The following GAD1 variants were observed in gnomAD, a reference collection of about 807,000 sequenced individuals.
GAD1 encodes the protein glutamate decarboxylase 1, also known as 67 kDa glutamic acid decarboxylase.
Under a neutral mutation model 75.2 loss-of-function variants are expected in GAD1, and 35 were observed. The ratio of observed to expected loss-of-function variants is 0.47; its 90% CI spans 0.36 to 0.62. The LOEUF is 0.62. Among genes scored for constraint, GAD1 ranks in the 20% least tolerant of loss-of-function variants. The pLI is 0.00. For synonymous variants in GAD1, 257 were observed against 271.9 expected (o/e 0.95, Z 0.54); for missense variants, 490 against 758.5 (o/e 0.65, Z 4.16).
chr2:170,845,525 G>C lies in GAD1; in HGVS notation c.771G>C (p.Met257Ile), dbSNP rs956461027. The change falls in exon 8 of 17, where the codon ATG becomes ATC. Residue 257 changes from methionine (M) to isoleucine (I), a missense_variant. Transcript: ENST00000358196. The stretch of plus-strand genomic sequence containing the variant: ...TGACAGGGGGCGCCATATCCAACAT[G>C]TACAGCATCATGGCTGCTCGCTACA... ...IFSPGGAISN[M>I]YSIMAARYKY... 1.2e-6 allele frequency: 2 copies of C among 1,613,712 alleles called. No individual in the cohort carries two copies. Among genetic ancestry groups the C allele is most frequent in the African/African-American group, 2.7e-5 (2 of 74,892 alleles).
Position 170,831,129 on chromosome 2 carries a change from C to G in GAD1, c.484C>G (p.Pro162Ala), listed in dbSNP as rs145603819. 7.1e-5 allele frequency: 114 copies of G among 1,614,178 alleles called. No homozygotes were observed. The African/African-American group carries it at 1.3e-3, about 19-fold the overall frequency. ...CTTCAACTTGGAGCTCTCTGACCAC[C>G]CCGAGTCCCTGGAGCAGATCCTGGT... is the stretch of plus-strand genomic sequence containing the variant. ...EGFNLELSDHPESLEQILVDC... is the reference protein window; with the variant it reads ...EGFNLELSDHAESLEQILVDC... Residue 162 changes from proline to alanine, a missense_variant, in exon 5 of 17, where the codon CCC becomes GCC. Pro to Ala is a conservative substitution (Grantham distance 27, BLOSUM62 -1). Coordinates refer to ENST00000358196, the MANE Select transcript of GAD1 (RefSeq NM_000817.3).
At chr2:170,826,502 A>C (rs930142091) in intron 3 of GAD1, among the ~76,000 whole-genome samples, 2 of 143,426 alleles carry the variant, frequency 1.4e-5, no homozygotes, top group Non-Finnish European at 3.0e-5. Flanking sequence ...TGGGAGCTGG[A>C]GGTTGTGGTG....
Position 170,845,572 on chromosome 2 carries a change from CAA to C in GAD1, c.820_821del (p.Lys274GlyfsTer7). On this transcript the variant is annotated frameshift_variant, in exon 8 of 17. Coordinates refer to ENST00000358196, the MANE Select transcript of GAD1 (RefSeq NM_000817.3). LOFTEE classifies it high-confidence loss of function. The stretch of plus-strand genomic sequence containing the variant: ...TACAAGTACTTCCCGGAAGTTAAGA[CAA>C]AGGGCATGGCGGCTGTGCCTAAACT... 6.2e-7 allele frequency: 1 copy of C among 1,614,140 alleles called. No individual in the cohort carries two copies. The highest frequency in any genetic ancestry group is 8.5e-7 in the Non-Finnish European group (1 of 1,180,030).
At chr2:170,833,908 G>A (rs552509351) in intron 5 of GAD1, among the ~76,000 whole-genome samples, 68 of 152,240 alleles carry the variant, frequency 4.5e-4, no homozygotes, top group African/African-American at 1.6e-3. Context: ...GCTGCAGTGG[G>A]AGGATCACTT....
rs45557340 is a variant in GAD1, at chr2:170,850,036, G to A, written c.1184+686G>A. 4.7e-4 allele frequency among the ~76,000 whole-genome samples: 72 copies of A among 152,298 alleles called. No individual in the cohort carries two copies. In the East Asian group the frequency reaches 6.0e-3, roughly 13 times the overall value. ...CAAAGTCACAATGATTCATTGATTC[G>A]TTCAGCATGTATTTACTGAGCACCT... On this transcript the variant is annotated intron_variant, in intron 12 of 16. Transcript: ENST00000358196.
In GAD1 at chr2:170,830,979, C is replaced by G. The variant is rs1260039996; in HGVS notation, c.334C>G (p.Gln112Glu). 1 of 1,614,156 alleles carries G rather than the reference C, an allele frequency of 6.2e-7. No homozygotes were observed. The highest frequency in any genetic ancestry group is 8.5e-7 in the Non-Finnish European group (1 of 1,180,028). ...GCTTCCGGCTAAGAACGGTGAGGAG[C>G]AAACCGTGCAATTCCTCCTGGAAGT... is the stretch of plus-strand genomic sequence containing the variant. ...DLLPAKNGEE[Q>E]TVQFLLEVVD... The change falls in exon 5 of 17, where the codon CAA becomes GAA. Residue 112 changes from glutamine (Q) to glutamate (E), a missense_variant. Coordinates refer to ENST00000358196, the MANE Select transcript of GAD1 (RefSeq NM_000817.3).
intron 6 of GAD1, among the ~76,000 whole-genome samples, chr2:170,837,744 T>C (rs1280257017): frequency 3.3e-5 from 5 of 152,200 alleles, no homozygotes; most frequent in African/African-American, 4.8e-5. Context: ...AAAACAACTA[T>C]ATAAGAATTA....
At chr2:170,845,296 T>C in intron 7 of GAD1, 1 of 622,552 alleles carries the variant, frequency 1.6e-6, no homozygotes, top group Non-Finnish European at 2.9e-6. Context: ...ATTGCCTAGA[T>C]AGCTTTGGTA....
chr2:170,813,943 C>T (rs542204179), upstream of GAD1, among the ~76,000 whole-genome samples: 2 of 152,124 alleles, frequency 1.3e-5, no homozygotes, highest in Non-Finnish European at 2.9e-5. Flanking sequence ...TTGAGCGCCG[C>T]GTTCCCATTT....
intron 15 of GAD1, 29 bp downstream of exon 15, chr2:170,857,154 A>C: frequency 1.3e-6 from 2 of 1,561,290 alleles, no homozygotes; most frequent in South Asian, 1.1e-5. Flanking sequence ...CCAGGTACAC[A>C]GTATTTCCAG....
chr2:170,825,540 C>A (rs1405802618), intron 3 of GAD1, among the ~76,000 whole-genome samples: 1 of 152,222 alleles, frequency 6.6e-6, no homozygotes, highest in Admixed American at 6.5e-5. Flanking sequence ...CAGCTCAAAG[C>A]CCCACTTGGC....
At chr2:170,845,396 C>T (rs183057771) in intron 7 of GAD1, 110 bp from the exon 8 acceptor site, 5 of 919,016 alleles carry the variant, frequency 5.4e-6, no homozygotes, top group Admixed American at 5.2e-5. Flanking sequence ...AGGATATTAT[C>T]CTTTCGCTTC....
At chr2:170,827,047 C>G (rs947834396) in intron 3 of GAD1, among the ~76,000 whole-genome samples, 5 of 152,082 alleles carry the variant, frequency 3.3e-5, no homozygotes, top group African/African-American at 4.8e-5. Flanking sequence ...CTTCTCATGT[C>G]CTTTGGGCTT....
At chr2:170,828,778 A>AC (rs1171214730) in intron 3 of GAD1, among the ~76,000 whole-genome samples, 2 of 67,308 alleles carry the variant, frequency 3.0e-5, no homozygotes, top group African/African-American at 6.2e-5. Flanking sequence ...TGCTGTCCTC[A>AC]CCCTCCTCCC....
chr2:170,824,107 C>G (rs937489763), intron 3 of GAD1, among the ~76,000 whole-genome samples: 1 of 152,214 alleles, frequency 6.6e-6, no homozygotes, highest in African/African-American at 2.4e-5. Flanking sequence ...AGGGAGAGCT[C>G]CTGGGGGCTA....
intron 6 of GAD1, chr2:170,843,806 T>C: frequency 1.9e-6 from 1 of 516,690 alleles, no homozygotes; most frequent in Non-Finnish European, 3.5e-6. Context: ...AAGAATCTAT[T>C]TTGTTGGTGA....
chr2:170,831,730 T>C (rs1160374001), intron 5 of GAD1, among the ~76,000 whole-genome samples: 2 of 143,198 alleles, frequency 1.4e-5, no homozygotes, highest in Non-Finnish European at 3.0e-5. Flanking sequence ...AATAATAAAT[T>C]ATAAATAATA....
At chr2:170,835,479 T>G (rs970432508) in intron 5 of GAD1, among the ~76,000 whole-genome samples, 1 of 152,246 alleles carries the variant, frequency 6.6e-6, no homozygotes, top group Non-Finnish European at 1.5e-5. Flanking sequence ...TTTTGTTACT[T>G]AATAGAAATT....
Position 170,860,051 on chromosome 2 carries a change from G to C in GAD1, c.*169G>C. 1 of 697,742 alleles carries C rather than the reference G, an allele frequency of 1.4e-6. No homozygotes were observed. Among genetic ancestry groups the C allele is most frequent in the Non-Finnish European group, 2.4e-6 (1 of 408,862 alleles). The allele number at this position is 697,742 out of a possible 1,614,324, so 43.2% of individuals were successfully genotyped here. On this transcript the variant is annotated 3_prime_UTR_variant, in exon 17 of 17. Transcript: ENST00000358196. ...AAAGCTTGTTTGTTCTAGTTAGCAG[G>C]AAATAGTGTTCTTTTTAAAAAGTTG...
Sources: allele counts gnomAD v4.1 joint callset (sites outside exome capture counted in the v4.1 genomes callset), GRCh38; gene constraint gnomAD v4.1.1; transcripts MANE v1.5; gene names NCBI Gene and HGNC (gene_info 2026-07-23, HGNC 2026-07-21).